PRR16: variants seen among roughly 807,000 people sequenced by gnomAD.
PRR16 encodes protein Largen.
A neutral mutation model predicts 18.2 loss-of-function variants in PRR16; 6 were observed. That is an observed-to-expected ratio of 0.33 (90% CI 0.18 to 0.65). The LOEUF (loss-of-function observed/expected upper bound fraction) is 0.65. PRR16 is among the 30% of genes least tolerant of loss of function. PRR16 has a pLI of 0.74. For missense variants in PRR16, 412 were observed against 376.6 expected, an observed-to-expected ratio of 1.09 and a Z score of -0.78; for synonymous variants, 151 against 147.8, an observed-to-expected ratio of 1.02 and a Z score of -0.16.
chr5:120,483,032 A>G (rs1198446002), intron 1 of PRR16, among the ~76,000 whole-genome samples: 1 of 152,184 alleles, frequency 6.6e-6, no homozygotes, highest in Non-Finnish European at 1.5e-5. Flanking sequence ...GGAATGCTGC[A>G]GTAATAAATC....
At chr5:120,732,994 G>C in the PRR16 span, among the ~76,000 whole-genome samples, 10 of 152,144 alleles carry the variant, frequency 6.6e-5, no homozygotes, top group African/African-American at 2.4e-4. Context: ...GACAACTTTT[G>C]CTGTTGGAAC....
chr5:120,477,068 C>A (rs1359326483), intron 1 of PRR16, among the ~76,000 whole-genome samples: 1 of 152,020 alleles, frequency 6.6e-6, no homozygotes, highest in African/African-American at 2.4e-5. Context: ...ACTGATTTTT[C>A]TTTTTGTTAC....
At chr5:120,598,638 A>ACTT (rs1753889415) in intron 1 of PRR16, among the ~76,000 whole-genome samples, 1 of 151,672 alleles carries the variant, frequency 6.6e-6, no homozygotes, top group African/African-American at 2.4e-5. Context: ...GTCCATGTGT[A>ACTT]CTTAATGTTT....
chr5:120,522,781 A>T (rs1751228093), intron 1 of PRR16, among the ~76,000 whole-genome samples: 2 of 151,316 alleles, frequency 1.3e-5, no homozygotes, highest in South Asian at 2.1e-4. Flanking sequence ...ATTTTATTTT[A>T]TTTTTTTTGT....
At chr5:120,478,505 A>C (rs1561507023) in intron 1 of PRR16, among the ~76,000 whole-genome samples, 1 of 152,102 alleles carries the variant, frequency 6.6e-6, no homozygotes, top group Non-Finnish European at 1.5e-5. Flanking sequence ...CATAGTTCTG[A>C]GTTTTTAAAA....
At chr5:120,670,547 C>A (rs751004573) in intron 1 of PRR16, among the ~76,000 whole-genome samples, 4 of 152,074 alleles carry the variant, frequency 2.6e-5, no homozygotes, top group Non-Finnish European at 4.4e-5. Flanking sequence ...AAATATTAAA[C>A]CCTCTCTTTC....
intron 1 of PRR16, among the ~76,000 whole-genome samples, chr5:120,487,358 T>C (rs1168169833): frequency 6.6e-6 from 1 of 152,206 alleles, no homozygotes; most frequent in Non-Finnish European, 1.5e-5. Context: ...GAAGAGGTCC[T>C]TCACATCCCT....
At chr5:120,611,912 C>G (rs957804568) in intron 1 of PRR16, among the ~76,000 whole-genome samples, 1 of 152,180 alleles carries the variant, frequency 6.6e-6, no homozygotes. Context: ...CACAGACACT[C>G]CATACCAGCT....
intron 1 of PRR16, among the ~76,000 whole-genome samples, chr5:120,546,122 T>C (rs1019401055): frequency 9.9e-5 from 15 of 152,094 alleles, no homozygotes; most frequent in African/African-American, 3.6e-4. Context: ...AATAACAGTG[T>C]TGCAACGTTA....
At chr5:120,640,521 C>T (rs1380990591) in intron 1 of PRR16, among the ~76,000 whole-genome samples, 1 of 152,004 alleles carries the variant, frequency 6.6e-6, no homozygotes, top group Non-Finnish European at 1.5e-5. Flanking sequence ...AGTGAAGTAG[C>T]AGTTTTTAAG....
the PRR16 span, among the ~76,000 whole-genome samples, chr5:120,782,587 C>T: frequency 6.6e-6 from 1 of 152,042 alleles, no homozygotes; most frequent in South Asian, 2.1e-4. Flanking sequence ...GCACTGCAGT[C>T]ATAAGTTACA....
intron 1 of PRR16, among the ~76,000 whole-genome samples, chr5:120,543,646 C>T (rs1465451504): frequency 6.6e-6 from 1 of 152,150 alleles, no homozygotes; most frequent in Admixed American, 6.5e-5. Flanking sequence ...TTATTTCTAT[C>T]AGAAATGTCC....
chr5:120,524,317 A>T (rs1751282007), intron 1 of PRR16, among the ~76,000 whole-genome samples: 2 of 152,154 alleles, frequency 1.3e-5, no homozygotes, highest in Admixed American at 1.3e-4. Context: ...AGTGTATTTA[A>T]TGCTAATTGA....
chr5:120,627,691 G>C lies in PRR16; in HGVS notation c.160-58263G>C, dbSNP rs537212911. Among the ~76,000 whole-genome samples the C allele has an allele frequency of 2.6e-5, 4 of 152,186 alleles. No individual in the cohort carries two copies. The East Asian group carries it at 7.7e-4, about 29-fold the overall frequency. ...TGGCTGGCCATACATCACAGCAAAAGAAGAGAGCCACCCTGCTGCTTTTTA... is the reference window on the plus strand; with the variant it reads ...TGGCTGGCCATACATCACAGCAAAACAAGAGAGCCACCCTGCTGCTTTTTA... On this transcript the variant is annotated intron_variant, in intron 1 of 1. Transcript: ENST00000407149.
At chr5:120,685,928 A>C (rs1400085124) in intron 1 of PRR16, 26 bp from the exon 2 acceptor site, 1 of 1,583,398 alleles carries the variant, frequency 6.3e-7, no homozygotes, top group African/African-American at 1.4e-5. Context: ...CATTCTTCAA[A>C]ACAATTACCT....
the PRR16 span, among the ~76,000 whole-genome samples, chr5:120,784,495 G>C: frequency 6.6e-6 from 1 of 152,080 alleles, no homozygotes; most frequent in South Asian, 2.1e-4. Context: ...TGTTGGCAAA[G>C]AGACAACCTA....
chr5:120,768,799 G>A, the PRR16 span, among the ~76,000 whole-genome samples: 2 of 151,734 alleles, frequency 1.3e-5, no homozygotes, highest in African/African-American at 4.8e-5. Flanking sequence ...AATAATCTGA[G>A]AATAGGTTTG....
At chr5:120,620,855 A>C (rs904322824) in intron 1 of PRR16, among the ~76,000 whole-genome samples, 1 of 152,134 alleles carries the variant, frequency 6.6e-6, no homozygotes, top group African/African-American at 2.4e-5. Flanking sequence ...AATGAATTCC[A>C]ACTTTGTATC....
the PRR16 span, among the ~76,000 whole-genome samples, chr5:120,785,566 G>GTTTT: frequency 2.0e-5 from 2 of 101,436 alleles, no homozygotes; most frequent in African/African-American, 7.6e-5. Context: ...TGTGTGTTTT[G>GTTTT]TTGTTGTTGT....
Sources: allele counts gnomAD v4.1 joint callset (sites outside exome capture counted in the v4.1 genomes callset), GRCh38; gene constraint gnomAD v4.1.1; transcripts MANE v1.5; gene names NCBI Gene and HGNC (gene_info 2026-07-23, HGNC 2026-07-21).